BBS9: variants seen among roughly 807,000 people sequenced by gnomAD.
The protein encoded by BBS9 is protein PTHB1.
BBS9 carries 89 observed loss-of-function variants against 117.7 expected under a neutral mutation model. That is an observed-to-expected ratio of 0.76 (90% CI 0.64 to 0.90). BBS9 has a LOEUF of 0.90. BBS9 is among the 40% of genes least tolerant of loss of function. The pLI, the probability that BBS9 is intolerant of heterozygous loss-of-function variation, is 0.00. For missense variants in BBS9, 982 were observed against 1,042.2 expected, an observed-to-expected ratio of 0.94 and a Z score of 0.80; for synonymous variants, 379 against 370.9, an observed-to-expected ratio of 1.02 and a Z score of -0.25.
At chr7:33,493,465 G>A (rs1025650575) in intron 19 of BBS9, among the ~76,000 whole-genome samples, 4 of 152,252 alleles carry the variant, frequency 2.6e-5, no homozygotes, top group South Asian at 2.1e-4. Context: ...AGGTAAATGA[G>A]AATGAGTGAC....
At chr7:33,408,966 T>G (rs896267204) in intron 19 of BBS9, among the ~76,000 whole-genome samples, 4 of 152,272 alleles carry the variant, frequency 2.6e-5, no homozygotes, top group Non-Finnish European at 4.4e-5. Flanking sequence ...TTAGTGATGA[T>G]GAACATTTAT....
chr7:33,323,481 T>C (rs902340905), intron 9 of BBS9, among the ~76,000 whole-genome samples: 3 of 152,168 alleles, frequency 2.0e-5, no homozygotes, highest in Non-Finnish European at 4.4e-5. Context: ...TTTTAAATCA[T>C]TATATAATGA....
chr7:33,294,331 A>G (rs1562950857), intron 9 of BBS9, among the ~76,000 whole-genome samples: 2 of 144,096 alleles, frequency 1.4e-5, no homozygotes, highest in African/African-American at 5.4e-5. Context: ...CTATCTATCT[A>G]TCTATCTATC....
At chr7:33,408,762 T>C (rs572782343) in intron 19 of BBS9, among the ~76,000 whole-genome samples, 2 of 152,332 alleles carry the variant, frequency 1.3e-5, no homozygotes, top group Admixed American at 1.3e-4. Context: ...ATAGTTCAAC[T>C]CTCAGTTCTC....
intron 5 of BBS9, among the ~76,000 whole-genome samples, chr7:33,202,264 T>C (rs967443203): frequency 3.3e-5 from 5 of 152,222 alleles, no homozygotes; most frequent in Non-Finnish European, 4.4e-5. Flanking sequence ...ATTATCATTC[T>C]AGTATTATTT....
At position 33,558,613 on chromosome 7, in the gene BBS9, C is replaced by T. The variant is rs112289676; in HGVS notation, c.2521+24437C>T. On this transcript the variant is annotated intron_variant, in intron 21 of 22. Transcript: ENST00000242067. ...TAGAAATGAAAATTCTTGAAACAGGCCTTTTTTTTTATGAACCTATTATCT... is the reference window on the plus strand; with the variant it reads ...TAGAAATGAAAATTCTTGAAACAGGTCTTTTTTTTTATGAACCTATTATCT... Among the ~76,000 whole-genome samples the T allele has an allele frequency of 3.3e-5, 5 of 152,104 alleles. No homozygotes were observed. In the Middle Eastern group the frequency reaches 0.01, roughly 310 times the overall value.
chr7:33,191,556 G>A (rs1037347435), intron 5 of BBS9, among the ~76,000 whole-genome samples: 6 of 152,188 alleles, frequency 3.9e-5, no homozygotes, highest in African/African-American at 1.4e-4. Context: ...TTGAGAGTGT[G>A]CCCTCAGGTG....
intron 20 of BBS9, among the ~76,000 whole-genome samples, chr7:33,523,959 G>A (rs1329108837): frequency 1.4e-5 from 1 of 72,522 alleles, no homozygotes; most frequent in Non-Finnish European, 2.6e-5. Flanking sequence ...TTAGCATGAA[G>A]GGTTGTTGAA....
In BBS9 at chr7:33,340,885, T is replaced by C. The variant is rs1322683942; in HGVS notation, c.1199-12T>C. The C allele has an allele frequency of 2.5e-6, 4 of 1,610,438 alleles. No homozygotes were observed. The highest frequency in any genetic ancestry group is 3.3e-5 in the Admixed American group (2 of 59,936). On this transcript the variant is annotated splice_polypyrimidine_tract_variant and intron_variant, in intron 10 of 22. Transcript: ENST00000242067. ...TTTATGATTAAATAATTTTTCTTTT[T>C]TTAAATCACAGGTGTTTGGCCCATG...
At chr7:33,539,383 G>A (rs1233066946) in intron 21 of BBS9, among the ~76,000 whole-genome samples, 3 of 152,220 alleles carry the variant, frequency 2.0e-5, no homozygotes, top group African/African-American at 2.4e-5. Context: ...GCACAGGATT[G>A]TGCACCTGCA....
chr7:33,617,593 A>C (rs1038966320), intron 21 of BBS9, among the ~76,000 whole-genome samples: 8 of 151,842 alleles, frequency 5.3e-5, no homozygotes, highest in African/African-American at 1.9e-4. Context: ...AATTCAAATT[A>C]ATCATCTTAA....
At chr7:33,282,822 T>G (rs1802162451) in intron 9 of BBS9, among the ~76,000 whole-genome samples, 2 of 152,302 alleles carry the variant, frequency 1.3e-5, no homozygotes, top group South Asian at 2.1e-4. Flanking sequence ...TAGAAAAAAA[T>G]GCCTTTTTGG....
At chr7:33,488,988 CTTTTTTT>C (rs869216155) in intron 19 of BBS9, among the ~76,000 whole-genome samples, 1 of 103,316 alleles carries the variant, frequency 9.7e-6, no homozygotes, top group East Asian at 3.1e-4. Flanking sequence ...GGACAGACTT[CTTTTTTT>C]TTTTTTTTTT....
At chr7:33,339,512 G>C (rs950905405) in intron 10 of BBS9, among the ~76,000 whole-genome samples, 1 of 152,216 alleles carries the variant, frequency 6.6e-6, no homozygotes, top group Non-Finnish European at 1.5e-5. Flanking sequence ...GGGAATGCCT[G>C]ATAGCAGTTG....
intron 21 of BBS9, among the ~76,000 whole-genome samples, chr7:33,567,728 A>T (rs938390010): frequency 2.6e-5 from 4 of 152,130 alleles, no homozygotes; most frequent in Non-Finnish European, 4.4e-5. Context: ...GACCTTTTCC[A>T]CTTAAATGTG....
intron 5 of BBS9, among the ~76,000 whole-genome samples, chr7:33,231,375 A>G (rs1792353925): frequency 7.1e-6 from 1 of 140,968 alleles, no homozygotes; most frequent in East Asian, 2.1e-4. Flanking sequence ...GGTAGACTGT[A>G]TTAATTTGGG....
chr7:33,560,437 G>T (rs367726879), intron 21 of BBS9, among the ~76,000 whole-genome samples: 1 of 152,080 alleles, frequency 6.6e-6, no homozygotes, highest in South Asian at 2.1e-4. Flanking sequence ...CAAACTTGCC[G>T]TTAACTTTGT....
chr7:33,479,298 A>G (rs890680462), intron 19 of BBS9, among the ~76,000 whole-genome samples: 1 of 151,970 alleles, frequency 6.6e-6, no homozygotes, highest in Non-Finnish European at 1.5e-5. Flanking sequence ...CTTTGTGTCC[A>G]TGTGTCAGTG....
chr7:33,616,342 A>G (rs947098393), intron 21 of BBS9, among the ~76,000 whole-genome samples: 2 of 150,894 alleles, frequency 1.3e-5, no homozygotes, highest in Non-Finnish European at 3.0e-5. Context: ...TTTTGTTGTT[A>G]TAAGGTATTC....
Sources: gnomAD v4.1 joint callset for allele counts (sites outside exome capture counted in the v4.1 genomes callset) on GRCh38, gnomAD v4.1.1 for gene constraint, MANE v1.5 for transcripts, NCBI Gene and HGNC (gene_info 2026-07-23, HGNC 2026-07-21) for gene names.